SEC23IP: variants seen among roughly 807,000 people sequenced by gnomAD.
SEC23IP encodes SEC23 interacting protein.
Under a neutral mutation model 113.4 loss-of-function variants are expected in SEC23IP, and 70 were observed. The observed-to-expected ratio is 0.62, with a 90% CI of 0.51 to 0.75. The LOEUF (loss-of-function observed/expected upper bound fraction) is 0.75. SEC23IP is among the 30% of genes least tolerant of loss of function. The pLI is 0.00. For missense variants in SEC23IP, 1,160 were observed against 1,204.9 expected (o/e 0.96, Z 0.55); for synonymous variants, 398 against 421.0 (o/e 0.95, Z 0.67).
chr10:119,892,933 C>T lies in SEC23IP; in HGVS notation c.151C>T (p.Leu51Phe). ...GGCCTCCGCTTCTCCGGCCTCCCTG[C>T]TCTTACCGGGAGGTAATAAGGGGAG... Reference protein sequence around the residue: ...TQASASPASLLLPGEDSTDVG... With the variant: ...TQASASPASLFLPGEDSTDVG... Residue 51 changes from leucine (L) to phenylalanine (F), a missense_variant, in exon 1 of 19, where the codon CTC (leucine) becomes TTC (phenylalanine). Coordinates refer to ENST00000369075, the MANE Select transcript of SEC23IP (RefSeq NM_007190.4). The T allele has an allele frequency of 6.2e-7, 1 of 1,612,634 alleles. No individual in the cohort carries two copies. Among genetic ancestry groups the T allele is most frequent in the Non-Finnish European group, 8.5e-7 (1 of 1,179,282 alleles).
chr10:119,898,997 T>G lies in SEC23IP; in HGVS notation c.696+38T>G, dbSNP rs555560976. ...GATTTTGTGTCCTACTTATTCACTC[T>G]GTGTCTTCTTTCTCACCTGAACCTA... On this transcript the variant is annotated intron_variant, in intron 2 of 18. Transcript: ENST00000369075. 4 of 1,457,820 alleles carry G rather than the reference T, an allele frequency of 2.7e-6. No individual in the cohort carries two copies. In the South Asian group the frequency reaches 5.3e-5, roughly 19 times the overall value. The allele number at this position is 1,457,820 out of a possible 1,614,324, so 90.3% of individuals were successfully genotyped here. A position where few individuals can be genotyped will look rare whatever the true frequency, so the allele number is the denominator to read the frequency against.
At chr10:119,932,064 T>TA (rs1383846069) in intron 15 of SEC23IP, 69 bp from the exon 16 acceptor site, 13 of 994,620 alleles carry the variant, frequency 1.3e-5, no homozygotes, top group Non-Finnish European at 1.9e-5. Context: ...AGTGTTAACT[T>TA]ACAATTTTTG....
intron 1 of SEC23IP, among the ~76,000 whole-genome samples, chr10:119,897,809 T>A (rs908883585): frequency 3.3e-5 from 5 of 151,516 alleles, no homozygotes; most frequent in African/African-American, 4.8e-5. Flanking sequence ...ACCAGCCTGG[T>A]CAACATGGTG....
rs528987321 is a variant in SEC23IP, at chr10:119,912,797, C to T, written c.1312+633C>T. ...CTGGGATTACAGGCGTGCACCACCACGCCCGGCTAATTTTTGTATTTTTAG... is the reference window on the plus strand; with the variant it reads ...CTGGGATTACAGGCGTGCACCACCATGCCCGGCTAATTTTTGTATTTTTAG... On this transcript the variant is annotated intron_variant, in intron 6 of 18. Coordinates refer to ENST00000369075, the MANE Select transcript of SEC23IP (RefSeq NM_007190.4). Among the ~76,000 whole-genome samples, 16 of 152,010 alleles carry T rather than the reference C, an allele frequency of 1.1e-4. No individual in the cohort carries two copies. The South Asian group carries it at 1.5e-3, about 14-fold the overall frequency.
rs780622423 is a variant in SEC23IP, at chr10:119,914,726, A to T, written c.1313-4A>T. 35 of 1,610,804 alleles carry T rather than the reference A, an allele frequency of 2.2e-5. 1 individual carries two copies. The South Asian group carries it at 3.6e-4, about 17-fold the overall frequency. ...TATGTAGGTTTAAAAATTTTTTTTG[A>T]TAGGGGAGATGCCTCAAGTTGACCA... On this transcript the variant is annotated splice_region_variant and splice_polypyrimidine_tract_variant and intron_variant, in intron 6 of 18. Coordinates refer to ENST00000369075, the MANE Select transcript of SEC23IP (RefSeq NM_007190.4).
Position 119,939,687 on chromosome 10 carries a change from T to A in SEC23IP, c.*21-899T>A, listed in dbSNP as rs529876021. Among the ~76,000 whole-genome samples the A allele has an allele frequency of 9.9e-4, 150 of 152,106 alleles. 1 individual carries two copies. Among genetic ancestry groups the A allele is most frequent in the African/African-American group, 3.0e-3 (123 of 41,460 alleles). ...GAGACTCTGTCTCAAAGAAAAAAAA[T>A]AAAATAAAATATTTTAATTTTTTGA... On this transcript the variant is annotated intron_variant, in intron 18 of 18. Coordinates refer to ENST00000369075, the MANE Select transcript of SEC23IP (RefSeq NM_007190.4).
At chr10:119,904,474 A>G in intron 4 of SEC23IP, 197 bp downstream of exon 4, 1 of 567,322 alleles carries the variant, frequency 1.8e-6, no homozygotes, top group East Asian at 3.0e-5. Flanking sequence ...CTAAAGATAG[A>G]ATATGATTTG....
In SEC23IP at chr10:119,902,960, G is replaced by A; in HGVS notation, c.858G>A (p.Met286Ile). ...CKEVEYKQLW[M>I]PFSVFDSLNL... ...AGGTAGAATACAAACAACTGTGGAT[G>A]CCTTTTAGTGTGTTCGACTCTTTGA... Residue 286 changes from methionine (M) to isoleucine (I), a missense_variant, in exon 3 of 19, where the codon ATG becomes ATA. Met to Ile is a conservative substitution (Grantham distance 10, BLOSUM62 1). Coordinates refer to ENST00000369075, the MANE Select transcript of SEC23IP (RefSeq NM_007190.4). 1 of 1,614,188 alleles carries A rather than the reference G, an allele frequency of 6.2e-7. No individual in the cohort carries two copies. Among genetic ancestry groups the A allele is most frequent in the Non-Finnish European group, 8.5e-7 (1 of 1,180,030 alleles).
chr10:119,914,647 A>G (rs1854986142), intron 6 of SEC23IP, 83 bp from the exon 7 acceptor site: 6 of 1,089,660 alleles, frequency 5.5e-6, no homozygotes, highest in Non-Finnish European at 8.4e-6. Flanking sequence ...TGTGATGACG[A>G]AAGGGATATC....
In SEC23IP at chr10:119,917,859, C is replaced by T. The variant is rs765681617; in HGVS notation, c.1568C>T (p.Pro523Leu). 1 of 1,613,682 alleles carries T rather than the reference C, an allele frequency of 6.2e-7. No individual in the cohort carries two copies. The highest frequency in any genetic ancestry group is 1.1e-5 in the South Asian group (1 of 91,066). ...AGGAATATTAAGAAAATCACTTTGCCAAGTATTGGTCGATTTCGTCACTTT... is the reference window on the plus strand; with the variant it reads ...AGGAATATTAAGAAAATCACTTTGCTAAGTATTGGTCGATTTCGTCACTTT... Reference protein sequence around the residue: ...VDRNIKKITLPSIGRFRHFTN... With the variant: ...VDRNIKKITLLSIGRFRHFTN... The change falls in exon 9 of 19, where the codon CCA (proline) becomes CTA (leucine). Residue 523 changes from proline (P) to leucine (L), a missense_variant. Pro to Leu is a moderately conservative substitution (Grantham distance 98). Transcript: ENST00000369075.
chr10:119,918,324 C>T, intron 9 of SEC23IP, 69 bp from the exon 10 acceptor site: 1 of 916,308 alleles, frequency 1.1e-6, no homozygotes, highest in Non-Finnish European at 1.7e-6. Flanking sequence ...TGACTATAGA[C>T]AGTGAAAAAA....
intron 1 of SEC23IP, among the ~76,000 whole-genome samples, chr10:119,895,502 A>C (rs1854248101): frequency 1.3e-5 from 2 of 152,318 alleles, no homozygotes; most frequent in East Asian, 3.9e-4. Flanking sequence ...GTATACACAC[A>C]CACCCACCTG....
At chr10:119,915,391 G>A (rs527754203) in intron 7 of SEC23IP, among the ~76,000 whole-genome samples, 116 of 151,936 alleles carry the variant, frequency 7.6e-4, no homozygotes, top group African/African-American at 2.7e-3. Context: ...TAAGGTAGGG[G>A]TTGGGGGTAA....
At position 119,898,021 on chromosome 10, in the gene SEC23IP, A is replaced by T. The variant is rs559539893; in HGVS notation, c.164-406A>T. The stretch of plus-strand genomic sequence containing the variant: ...CGCCGTCTCAAAAAAAAATAAAAAA[A>T]AAAAAATAAATAAAAATAGTAAGTA... On this transcript the variant is annotated intron_variant, in intron 1 of 18. Transcript: ENST00000369075. 3.1e-3 allele frequency among the ~76,000 whole-genome samples: 463 copies of T among 151,692 alleles called. 3 individuals carry two copies. The highest frequency in any genetic ancestry group is 0.01 in the African/African-American group (421 of 41,504).
At chr10:119,927,422 A>T (rs750979085) in intron 13 of SEC23IP, among the ~76,000 whole-genome samples, 1 of 152,146 alleles carries the variant, frequency 6.6e-6, no homozygotes, top group Non-Finnish European at 1.5e-5. Flanking sequence ...TCTCTCTGAA[A>T]CTTGGAGGGG....
intron 12 of SEC23IP, among the ~76,000 whole-genome samples, chr10:119,921,671 A>G (rs1855254313): frequency 6.6e-6 from 1 of 152,260 alleles, no homozygotes. Context: ...ACAAGGCAAC[A>G]GCTAAAAAGC....
chr10:119,933,725 T>G lies in SEC23IP; in HGVS notation c.2961T>G (p.Ile987Met), dbSNP rs773533394. The G allele has an allele frequency of 6.3e-6, 10 of 1,598,572 alleles. No individual in the cohort carries two copies. The South Asian group carries it at 1.1e-4, about 18-fold the overall frequency. ...EDTALLLLKEIYRTMNISPEQ... is the reference protein window; with the variant it reads ...EDTALLLLKEMYRTMNISPEQ... ...CTGCTCTGTTACTACTTAAAGAAAT[T>G]TATCGAACAATGAACATTAGTCCAG... Residue 987 changes from isoleucine to methionine, a missense_variant, in exon 18 of 19, where the codon ATT becomes ATG. Transcript: ENST00000369075.
Position 119,917,835 on chromosome 10 carries a change from G to A in SEC23IP, c.1545-1G>A. 6.2e-7 allele frequency: 1 copy of A among 1,610,866 alleles called. No homozygotes were observed. Among genetic ancestry groups the A allele is most frequent in the Non-Finnish European group, 8.5e-7 (1 of 1,177,570 alleles). ...TGTGCTGTATTTTTCTTTTTAAACA[G>A]GAATATTAAGAAAATCACTTTGCCA... On this transcript the variant is annotated splice_acceptor_variant, in intron 8 of 18. Coordinates refer to ENST00000369075, the MANE Select transcript of SEC23IP (RefSeq NM_007190.4). LOFTEE classifies it high-confidence loss of function.
intron 6 of SEC23IP, among the ~76,000 whole-genome samples, chr10:119,913,407 C>T (rs1012362656): frequency 6.6e-6 from 1 of 152,054 alleles, no homozygotes; most frequent in African/African-American, 2.4e-5. Flanking sequence ...CACATGGACT[C>T]TGTTACAAAC....
Sources: allele counts gnomAD v4.1 joint callset (sites outside exome capture counted in the v4.1 genomes callset), GRCh38; gene constraint gnomAD v4.1.1; transcripts MANE v1.5; gene names NCBI Gene and HGNC (gene_info 2026-07-23, HGNC 2026-07-21).